Variants in NFIA observed in about 807,000 individuals in gnomAD.
NFIA encodes the protein nuclear factor I A.
Under a neutral mutation model 62.8 loss-of-function variants are expected in NFIA, and 8 were observed. The ratio of observed to expected loss-of-function variants is 0.13; its 90% CI spans 0.07 to 0.23. The LOEUF is 0.23. Ranked by LOEUF, NFIA falls within the 10% of genes least tolerant of loss-of-function variation. NFIA has a pLI of 1.00. For synonymous variants in NFIA, 235 were observed against 238.1 expected (o/e 0.99, Z 0.12); for missense variants, 410 against 642.1 (o/e 0.64, Z 3.91).
intron 2 of NFIA, among the ~76,000 whole-genome samples, chr1:61,238,739 G>A (rs905852780): frequency 1.3e-5 from 2 of 152,118 alleles, no homozygotes; most frequent in Non-Finnish European, 2.9e-5. Flanking sequence ...AAAATCAATA[G>A]CGTGGTCGAT....
chr1:61,440,573 A>G (rs1471945186), intron 10 of NFIA, among the ~76,000 whole-genome samples: 1 of 152,168 alleles, frequency 6.6e-6, no homozygotes, highest in Non-Finnish European at 1.5e-5. Flanking sequence ...ATAATTCATT[A>G]GTACATGTTT....
chr1:61,262,298 C>G (rs1394158262), intron 2 of NFIA, among the ~76,000 whole-genome samples: 1 of 152,130 alleles, frequency 6.6e-6, no homozygotes, highest in African/African-American at 2.4e-5. Context: ...TGACTTTGTT[C>G]ATTATGACTT....
rs759445292 is a variant in NFIA at position 61,276,805 on chromosome 1, A to G, written c.560-715A>G. ...ATTCCTTTTTTAGTTTGAAAATATG[A>G]TTATATTTTTTAAATTAAAAAATGT... On this transcript the variant is annotated intron_variant, in intron 2 of 10. Coordinates refer to ENST00000403491, the MANE Select transcript of NFIA (RefSeq NM_001134673.4). 2.6e-5 allele frequency among the ~76,000 whole-genome samples: 4 copies of G among 152,212 alleles called. No individual in the cohort carries two copies. In the East Asian group the frequency reaches 7.7e-4, roughly 29 times the overall value.
At chr1:61,272,342 T>C (rs1452061084) in intron 2 of NFIA, among the ~76,000 whole-genome samples, 1 of 151,944 alleles carries the variant, frequency 6.6e-6, no homozygotes, top group Non-Finnish European at 1.5e-5. Flanking sequence ...CTGGAAAAAA[T>C]AGATAATTTT....
chr1:61,260,781 C>T (rs6660763), intron 2 of NFIA, among the ~76,000 whole-genome samples: 18,005 of 151,994 alleles, frequency 0.12, 1,517 homozygotes, highest in African/African-American at 0.23. Flanking sequence ...GGGGTTTCAC[C>T]GTGTTAGCCA....
chr1:61,358,696 G>A (rs150447692), intron 5 of NFIA, among the ~76,000 whole-genome samples: 44 of 152,210 alleles, frequency 2.9e-4, no homozygotes, highest in African/African-American at 1.0e-3. Flanking sequence ...CCCAATCCAA[G>A]CTTTTCCTGA....
At chr1:61,298,848 A>T (rs1477938906) in intron 3 of NFIA, among the ~76,000 whole-genome samples, 1 of 152,140 alleles carries the variant, frequency 6.6e-6, no homozygotes, top group African/African-American at 2.4e-5. Context: ...TATTTTACTT[A>T]TTGATAACTT....
chr1:61,328,182 G>A (rs547146497), intron 3 of NFIA, among the ~76,000 whole-genome samples: 3 of 150,482 alleles, frequency 2.0e-5, no homozygotes, highest in East Asian at 2.0e-4. Context: ...CATATTTCTT[G>A]TAAACTTTCT....
At chr1:61,352,087 G>A (rs4915736) in intron 4 of NFIA, among the ~76,000 whole-genome samples, 133,530 of 152,246 alleles carry the variant, frequency 0.88, 58,596 homozygotes, top group East Asian at 0.95. Flanking sequence ...AGTAGAAGCT[G>A]TCAGGATCAG....
chr1:61,108,858 C>A (rs1646648506), intron 2 of NFIA, among the ~76,000 whole-genome samples: 1 of 151,680 alleles, frequency 6.6e-6, no homozygotes, highest in South Asian at 2.1e-4. Context: ...TACTTTATGC[C>A]AAGTGGTATA....
chr1:61,390,151 C>T (rs1664897506), intron 7 of NFIA, among the ~76,000 whole-genome samples: 2 of 152,144 alleles, frequency 1.3e-5, no homozygotes, highest in Non-Finnish European at 2.9e-5. Flanking sequence ...TGGCATCTGG[C>T]ACTACGCAAG....
At position 61,406,542 on chromosome 1, in the gene NFIA, T is replaced by TTGGGGGC; in HGVS notation, c.1255-20_1255-19insTGGGGGC. ...TTCTTTTTCTTGTACGTGTGTTTTC[T>TTGGGGGC]GCCCCCCCCCCCCCCACAGCCCAAT... is the stretch of plus-strand genomic sequence containing the variant. On this transcript the variant is annotated intron_variant, in intron 8 of 10. Coordinates refer to ENST00000403491, the MANE Select transcript of NFIA (RefSeq NM_001134673.4). The TTGGGGGC allele has an allele frequency of 1.6e-6, 2 of 1,253,828 alleles. No individual in the cohort carries two copies. Among genetic ancestry groups the TTGGGGGC allele is most frequent in the Non-Finnish European group, 2.1e-6 (2 of 931,742 alleles). The allele number at this position is 1,253,828 out of a possible 1,614,324, so 77.7% of individuals were successfully genotyped here.
chr1:61,389,423 T>G (rs1664857930), intron 7 of NFIA, among the ~76,000 whole-genome samples: 1 of 152,198 alleles, frequency 6.6e-6, no homozygotes, highest in Non-Finnish European at 1.5e-5. Flanking sequence ...GCTGAGCATA[T>G]GGCCACTCTC....
chr1:61,100,074 G>C (rs1029533703), intron 2 of NFIA, among the ~76,000 whole-genome samples: 2 of 152,192 alleles, frequency 1.3e-5, no homozygotes, highest in Non-Finnish European at 2.9e-5. Flanking sequence ...CACTCTGAAA[G>C]CCATTGTTTT....
intron 2 of NFIA, among the ~76,000 whole-genome samples, chr1:61,191,011 A>G (rs953778514): frequency 1.3e-5 from 2 of 151,812 alleles, no homozygotes; most frequent in South Asian, 2.1e-4. Flanking sequence ...TTAAAGATAA[A>G]TAAAGAAACT....
intron 2 of NFIA, among the ~76,000 whole-genome samples, chr1:61,167,462 G>A (rs983012407): frequency 2.0e-5 from 3 of 152,094 alleles, no homozygotes; most frequent in Admixed American, 2.0e-4. Flanking sequence ...ATTTATTAAG[G>A]TCATATTACT....
At chr1:61,112,022 G>T (rs1030669170) in intron 2 of NFIA, among the ~76,000 whole-genome samples, 1 of 151,964 alleles carries the variant, frequency 6.6e-6, no homozygotes, top group East Asian at 1.9e-4. Context: ...CATAATTTAA[G>T]TTACAATTAC....
At chr1:61,329,353 C>T (rs1661159844) in intron 3 of NFIA, among the ~76,000 whole-genome samples, 1 of 150,786 alleles carries the variant, frequency 6.6e-6, no homozygotes, top group Non-Finnish European at 1.5e-5. Context: ...GCCTGAGCCA[C>T]CATACCTGGC....
intron 2 of NFIA, among the ~76,000 whole-genome samples, chr1:61,188,623 A>G (rs1437243959): frequency 2.0e-5 from 3 of 152,208 alleles, no homozygotes; most frequent in Non-Finnish European, 4.4e-5. Flanking sequence ...CATCATCATC[A>G]TCGTCATCTT....
Sources: allele counts gnomAD v4.1 joint callset (sites outside exome capture counted in the v4.1 genomes callset), GRCh38; gene constraint gnomAD v4.1.1; transcripts MANE v1.5; gene names NCBI Gene and HGNC (gene_info 2026-07-23, HGNC 2026-07-21).